The following ZNF563 variants were observed in gnomAD, a reference collection of about 807,000 sequenced individuals.
The protein encoded by ZNF563 is zinc finger protein 563.
A neutral mutation model predicts 48.5 loss-of-function variants in ZNF563; 39 were observed. That is an observed-to-expected ratio of 0.80 (90% CI 0.62 to 1.05). The LOEUF (loss-of-function observed/expected upper bound fraction) is 1.05, where lower values mean the gene tolerates loss of function less well. ZNF563 is among the 50% of genes least tolerant of loss of function. ZNF563 has a pLI of 0.00. For synonymous variants in ZNF563, 168 were observed against 187.9 expected (o/e 0.89, Z 0.87); for missense variants, 538 against 597.0 (o/e 0.90, Z 1.03).
intron 1 of ZNF563, among the ~76,000 whole-genome samples, chr19:12,328,072 T>A (rs1464483574): frequency 6.6e-6 from 1 of 152,216 alleles, no homozygotes; most frequent in Non-Finnish European, 1.5e-5. Flanking sequence ...CATTGATACG[T>A]GTTTACAGAA....
At chr19:12,324,758 A>G (rs1181041598) in intron 1 of ZNF563, among the ~76,000 whole-genome samples, 1 of 151,870 alleles carries the variant, frequency 6.6e-6, no homozygotes, top group African/African-American at 2.4e-5. Context: ...TCTCACCAAC[A>G]AAGTGACAGC....
Position 12,319,351 on chromosome 19 carries a change from T to A in ZNF563, c.674A>T (p.Tyr225Phe), listed in dbSNP as rs1968538393. ...HERTHTGEKP[Y>F]ECKQCSKAFP... The stretch of plus-strand genomic sequence containing the variant: ...GGCTTTAGAACACTGCTTACATTCA[T>A]ACGGTTTCTCTCCAGTGTGAGTTCT... The change falls in exon 4 of 4, where the codon TAT becomes TTT. Residue 225 changes from tyrosine (Y) to phenylalanine (F), a missense_variant. By Grantham distance (22) the Tyr-to-Phe change is conservative (BLOSUM62 3). Coordinates refer to ENST00000293725, the MANE Select transcript of ZNF563 (RefSeq NM_145276.3). 1 of 1,614,232 alleles carries A rather than the reference T, an allele frequency of 6.2e-7. No individual in the cohort carries two copies. Among genetic ancestry groups the A allele is most frequent in the Non-Finnish European group, 8.5e-7 (1 of 1,180,046 alleles).
rs149412569 is a variant in ZNF563 at position 12,319,380 on chromosome 19, A to G, written c.645T>C (p.His215=). Residue 215 remains histidine (H), a synonymous_variant, in exon 4 of 4, where the codon CAT becomes CAC. Coordinates refer to ENST00000293725, the MANE Select transcript of ZNF563 (RefSeq NM_145276.3). ...GTTTCTCTCCAGTGTGAGTTCTTTC[A>G]TGCATACGTAATAAACTGGGCCAAA... The part of the protein sequence containing the change: ...AFFWPSLLRM[H]ERTHTGEKPY... 2 of 1,614,166 alleles carry G rather than the reference A, an allele frequency of 1.2e-6. No individual in the cohort carries two copies. Among genetic ancestry groups the G allele is most frequent in the African/African-American group, 1.3e-5 (1 of 75,046 alleles).
rs758037008 is a variant in ZNF563, at chr19:12,319,589, G to A, written c.436C>T (p.Arg146Cys). 22 of 1,614,060 alleles carry A rather than the reference G, an allele frequency of 1.4e-5. No homozygotes were observed. Among genetic ancestry groups the A allele is most frequent in the East Asian group, 6.7e-5 (3 of 44,898 alleles). The change falls in exon 4 of 4, where the codon CGT (arginine) becomes TGT (cysteine). Residue 146 changes from arginine to cysteine, a missense_variant. By Grantham distance (180) the Arg-to-Cys change is radical. Coordinates refer to ENST00000293725, the MANE Select transcript of ZNF563 (RefSeq NM_145276.3). ...TGATGGTAACTGAAGGCTTTCCCACGTTGTTTATGTGTATGTGGCTTCTCT... is the reference window on the plus strand; with the variant it reads ...TGATGGTAACTGAAGGCTTTCCCACATTGTTTATGTGTATGTGGCTTCTCT... ...YGEKPHTHKQRGKAFSYHHSF... is the reference protein window; with the variant it reads ...YGEKPHTHKQCGKAFSYHHSF...
upstream of ZNF563, among the ~76,000 whole-genome samples, chr19:12,337,799 A>G (rs1397846017): frequency 6.6e-6 from 1 of 152,222 alleles, no homozygotes; most frequent in East Asian, 1.9e-4. Flanking sequence ...ACATGAAATA[A>G]TATATTAGTG....
upstream of ZNF563, among the ~76,000 whole-genome samples, chr19:12,338,139 C>A (rs531937975): frequency 6.6e-6 from 1 of 152,214 alleles, no homozygotes; most frequent in South Asian, 2.1e-4. Flanking sequence ...AAACAAAAAA[C>A]CCTCAGGGCA....
chr19:12,326,434 G>A (rs1196292640), intron 1 of ZNF563, among the ~76,000 whole-genome samples: 7 of 151,870 alleles, frequency 4.6e-5, no homozygotes, highest in Admixed American at 1.3e-4. Flanking sequence ...ACTTGAGGTC[G>A]GGAGTTCGAG....
the ZNF563 span, among the ~76,000 whole-genome samples, chr19:12,339,078 T>G: frequency 6.6e-6 from 1 of 152,072 alleles, no homozygotes; most frequent in African/African-American, 2.4e-5. Context: ...GGCTATGAAC[T>G]CTAGTGCTGC....
upstream of ZNF563, among the ~76,000 whole-genome samples, chr19:12,334,205 G>T (rs1227421577): frequency 3.3e-5 from 5 of 152,024 alleles, no homozygotes; most frequent in Admixed American, 1.3e-4. Context: ...AACAAGTCAA[G>T]AACGGTATTA....
chr19:12,338,346 C>T (rs185884579), upstream of ZNF563, among the ~76,000 whole-genome samples: 20 of 152,258 alleles, frequency 1.3e-4, no homozygotes. Context: ...CTCCTGGGCT[C>T]AAGTGATTCT....
upstream of ZNF563, among the ~76,000 whole-genome samples, chr19:12,335,046 G>A (rs1039803738): frequency 7.2e-5 from 11 of 152,070 alleles, no homozygotes; most frequent in East Asian, 9.6e-4. Context: ...ACCAAAGGGG[G>A]CTCCATTTCT....
chr19:12,333,388 C>A, intron 1 of ZNF563, 92 bp downstream of exon 1: 1 of 1,536,054 alleles, frequency 6.5e-7, no homozygotes. Flanking sequence ...CCGGAGCTGA[C>A]GGCGGGGGAG....
At chr19:12,326,133 G>A (rs1017798720) in intron 1 of ZNF563, among the ~76,000 whole-genome samples, 3 of 152,052 alleles carry the variant, frequency 2.0e-5, no homozygotes, top group South Asian at 2.1e-4. Flanking sequence ...TCAAACATTG[G>A]ACTTCTTGAA....
In ZNF563 at chr19:12,319,326, G is replaced by A; in HGVS notation, c.699C>T (p.Ala233=). The A allele has an allele frequency of 1.9e-6, 3 of 1,613,890 alleles. No individual in the cohort carries two copies. Among genetic ancestry groups the A allele is most frequent in the Non-Finnish European group, 8.5e-7 (1 of 1,179,974 alleles). ...KPYECKQCSK[A]FPFYSSYRRH... The stretch of plus-strand genomic sequence containing the variant: ...TTCGATAGGAACTGTAAAAAGGAAA[G>A]GCTTTAGAACACTGCTTACATTCAT... The change falls in exon 4 of 4, where the codon GCC becomes GCT. Residue 233 remains alanine, a synonymous_variant. Transcript: ENST00000293725.
rs945564086 is a variant in ZNF563, at chr19:12,333,615, C to T, written c.-133G>A. The T allele has an allele frequency of 3.0e-6, 4 of 1,339,602 alleles. No individual in the cohort carries two copies. The East Asian group carries it at 1.0e-4, about 33-fold the overall frequency. 83.0% of individuals were successfully genotyped at this position (1,339,602 alleles called of 1,614,324 possible). On this transcript the variant is annotated 5_prime_UTR_variant, in exon 1 of 4. Transcript: ENST00000293725. Reference sequence around the variant, plus strand: ...CTGAGGCTACACAGACGTTCCAGGGCGTCTCTCAGCGAGCGACTGAGTCTA... The same window carrying T: ...CTGAGGCTACACAGACGTTCCAGGGTGTCTCTCAGCGAGCGACTGAGTCTA...
At chr19:12,321,936 T>C (rs987123176) in intron 2 of ZNF563, among the ~76,000 whole-genome samples, 1 of 152,262 alleles carries the variant, frequency 6.6e-6, no homozygotes, top group South Asian at 2.1e-4. Context: ...TTCTCTTCTT[T>C]ATGATTTTCC....
chr19:12,343,352 T>C, the ZNF563 span, among the ~76,000 whole-genome samples: 1 of 152,136 alleles, frequency 6.6e-6, no homozygotes. Flanking sequence ...TCCCAGCTGC[T>C]CAGGAGGCTG....
upstream of ZNF563, among the ~76,000 whole-genome samples, chr19:12,336,088 G>A (rs1043689473): frequency 2.0e-5 from 3 of 152,232 alleles, no homozygotes; most frequent in South Asian, 6.2e-4. Context: ...ATAAAAAATT[G>A]ACAATCTTGG....
In ZNF563 at chr19:12,319,618, T is replaced by C. The variant is rs1312335578; in HGVS notation, c.407A>G (p.Tyr136Cys). 2.5e-6 allele frequency: 4 copies of C among 1,614,110 alleles called. No individual in the cohort carries two copies. The highest frequency in any genetic ancestry group is 1.7e-5 in the Admixed American group (1 of 60,002). ...SGHKPHEYQE[Y>C]GEKPHTHKQR... ...TTTATGTGTATGTGGCTTCTCTCCA[T>C]ATTCCTGATACTCATGTGGTTTGTG... is the stretch of plus-strand genomic sequence containing the variant. The change falls in exon 4 of 4, where the codon TAT (tyrosine) becomes TGT (cysteine). Residue 136 changes from tyrosine (Y) to cysteine (C), a missense_variant. Coordinates refer to ENST00000293725, the MANE Select transcript of ZNF563 (RefSeq NM_145276.3).
Sources: gnomAD v4.1 joint callset for allele counts (sites outside exome capture counted in the v4.1 genomes callset) on GRCh38, gnomAD v4.1.1 for gene constraint, MANE v1.5 for transcripts, NCBI Gene and HGNC (gene_info 2026-07-23, HGNC 2026-07-21) for gene names.